PCLO: variants seen among roughly 807,000 people sequenced by gnomAD.
PCLO encodes protein piccolo.
PCLO carries 82 observed loss-of-function variants against 427.5 expected under a neutral mutation model. The observed-to-expected ratio is 0.19, with a 90% CI of 0.16 to 0.23. PCLO has a LOEUF of 0.23. PCLO is among the 10% of genes least tolerant of loss of function. The pLI is 1.00. For missense variants in PCLO, 6,239 were observed against 6,115.9 expected (o/e 1.02, Z -0.67); for synonymous variants, 2,357 against 2,155.4 (o/e 1.09, Z -2.59).
In PCLO at chr7:82,915,131, A is replaced by T; in HGVS notation, c.12855T>A (p.Ser4285Arg). The change falls in exon 7 of 25, where the codon AGT (serine) becomes AGA (arginine). Residue 4285 changes from serine (S) to arginine (R), a missense_variant. By Grantham distance (110) the Ser-to-Arg change is moderately radical. This residue lies in a region of PCLO where 680 missense variants were observed against 677.3 expected (regional missense o/e 1.00). Coordinates refer to ENST00000333891, the MANE Select transcript of PCLO (RefSeq NM_033026.6). ...TGGAGGAAGGTCTGGACCTGCTGCC[A>T]CTACTGTATGGCTTATCCGCTTCAT... ...LQDEADKPYSSGSRSRPSSRP... is the reference protein window; with the variant it reads ...LQDEADKPYSRGSRSRPSSRP... 1.3e-6 allele frequency: 2 copies of T among 1,590,348 alleles called. No individual in the cohort carries two copies. Among genetic ancestry groups the T allele is most frequent in the South Asian group, 2.2e-5 (2 of 88,956 alleles).
chr7:83,159,422 G>C (rs886462983), intron 1 of PCLO, among the ~76,000 whole-genome samples: 8 of 151,956 alleles, frequency 5.3e-5, no homozygotes, highest in Non-Finnish European at 1.0e-4. Flanking sequence ...ATCTGTAACT[G>C]TAAATAGAAA....
intron 3 of PCLO, among the ~76,000 whole-genome samples, chr7:83,033,343 C>T (rs1399491227): frequency 6.6e-6 from 1 of 152,114 alleles, no homozygotes; most frequent in African/African-American, 2.4e-5. Flanking sequence ...GTTATATTAC[C>T]TAGTAGATTA....
chr7:83,131,331 A>G (rs1791566658), intron 3 of PCLO, among the ~76,000 whole-genome samples: 1 of 152,040 alleles, frequency 6.6e-6, no homozygotes, highest in South Asian at 2.1e-4. Flanking sequence ...AGCCGTTGGC[A>G]CTCCTCAGGT....
At chr7:82,923,148 T>C (rs1794636722) in intron 6 of PCLO, among the ~76,000 whole-genome samples, 1 of 152,010 alleles carries the variant, frequency 6.6e-6, no homozygotes, top group Non-Finnish European at 1.5e-5. Context: ...TATTGGGAAC[T>C]GGATAAGAGA....
rs1790582320 is a variant in PCLO, at chr7:83,096,964, ATAATATAT to A, written c.3300+37278_3300+37285del. ...TTATATATTATATAAATAATATAAT[ATAATATAT>A]TATATATTATATAAATAATATATAT... On this transcript the variant is annotated intron_variant, in intron 3 of 24. Transcript: ENST00000333891. 1.5e-4 allele frequency among the ~76,000 whole-genome samples: 7 copies of A among 45,750 alleles called. 1 individual carries two copies. The South Asian group carries it at 3.5e-3, about 23-fold the overall frequency. 30.0% of individuals were successfully genotyped at this position (45,750 alleles called of 152,430 possible). A position where few individuals can be genotyped will look rare whatever the true frequency, so the allele number is the denominator to read the frequency against.
At position 82,966,337 on chromosome 7, in the gene PCLO, G is replaced by A. The variant is rs201837844; in HGVS notation, c.3451C>T (p.Pro1151Ser). The A allele has an allele frequency of 1.1e-5, 17 of 1,613,704 alleles. No homozygotes were observed. The East Asian group carries it at 3.8e-4, about 36-fold the overall frequency. The stretch of plus-strand genomic sequence containing the variant: ...TTTTTCACTAATTTTACTTGGGGAG[G>A]CACTGCTGTTTTCTGAGATGATGAT... ...TESSSQKTAV[P>S]PQVKLVKKQE... Residue 1151 changes from proline to serine, a missense_variant, in exon 4 of 25, where the codon CCT becomes TCT. Around this residue, in one of 5 missense-constraint regions of PCLO, gnomAD observed 4,677 missense variants for 4,468.4 expected, o/e 1.05. Transcript: ENST00000333891.
Position 82,953,518 on chromosome 7 carries a change from A to G in PCLO, c.7435T>C (p.Cys2479Arg), listed in dbSNP as rs773168560. The change falls in exon 5 of 25, where the codon TGT (cysteine) becomes CGT (arginine). Residue 2479 changes from cysteine to arginine, a missense_variant. By Grantham distance (180) the Cys-to-Arg change is radical. Transcript: ENST00000333891. ...RSNGLPVTRICTTAPPPVPPK... is the reference protein window; with the variant it reads ...RSNGLPVTRIRTTAPPPVPPK... ...GGAACAGGAGGAGGTGCAGTAGTAC[A>G]TATTCTTGTAACAGGTAATCCATTA... 12 of 1,613,432 alleles carry G rather than the reference A, an allele frequency of 7.4e-6. No homozygotes were observed. The South Asian group carries it at 1.3e-4, about 18-fold the overall frequency.
chr7:82,803,076 T>C (rs1272065255), intron 21 of PCLO, among the ~76,000 whole-genome samples: 2 of 152,092 alleles, frequency 1.3e-5, no homozygotes, highest in Admixed American at 1.3e-4. Context: ...TGCATACATA[T>C]TTAAGTAACA....
intron 2 of PCLO, 46 bp from the exon 3 acceptor site, chr7:83,135,702 A>C (rs1791710266): frequency 7.7e-7 from 1 of 1,293,802 alleles, no homozygotes; most frequent in South Asian, 1.5e-5. Flanking sequence ...TACTGTAAAA[A>C]CACAAAAATG....
intron 6 of PCLO, among the ~76,000 whole-genome samples, chr7:82,928,465 C>G (rs191917829): frequency 9.1e-4 from 138 of 152,172 alleles, no homozygotes; most frequent in African/African-American, 3.3e-3. Context: ...GGCATGACCT[C>G]CACCTCACAG....
At chr7:82,896,146 T>C (rs1418576312) in intron 9 of PCLO, among the ~76,000 whole-genome samples, 3 of 151,860 alleles carry the variant, frequency 2.0e-5, no homozygotes, top group Non-Finnish European at 4.4e-5. Flanking sequence ...AGACGGAAAC[T>C]TACCATACAA....
chr7:82,805,334 T>C (rs1186750488), intron 21 of PCLO, among the ~76,000 whole-genome samples: 1 of 152,210 alleles, frequency 6.6e-6, no homozygotes, highest in Non-Finnish European at 1.5e-5. Flanking sequence ...TAAATTAATA[T>C]ATGTTTGTCT....
intron 2 of PCLO, among the ~76,000 whole-genome samples, chr7:83,151,674 T>A (rs28415524): frequency 3.6e-3 from 546 of 152,296 alleles, no homozygotes; most frequent in African/African-American, 0.012. Context: ...ATACTTCACC[T>A]TTCATGAAGA....
chr7:83,062,389 G>T (rs191814332), intron 3 of PCLO, among the ~76,000 whole-genome samples: 2 of 152,196 alleles, frequency 1.3e-5, no homozygotes, highest in African/African-American at 2.4e-5. Flanking sequence ...CATAATAAAA[G>T]GGAAGGAGCT....
intron 22 of PCLO, among the ~76,000 whole-genome samples, chr7:82,762,997 G>A (rs2129467605): frequency 6.6e-6 from 1 of 152,138 alleles, no homozygotes; most frequent in South Asian, 2.1e-4. Flanking sequence ...CTGAAGTGTA[G>A]TGGCCCGATC....
chr7:83,087,419 G>A (rs1790266025), intron 3 of PCLO, among the ~76,000 whole-genome samples: 1 of 151,524 alleles, frequency 6.6e-6, no homozygotes, highest in Non-Finnish European at 1.5e-5. Flanking sequence ...ATTCATCTGT[G>A]TAACCAAAAA....
chr7:82,882,030 A>G (rs1041928108), intron 9 of PCLO, among the ~76,000 whole-genome samples: 3 of 152,152 alleles, frequency 2.0e-5, no homozygotes, highest in African/African-American at 7.2e-5. Context: ...AAATAGACCC[A>G]GGAAAAATAA....
At chr7:83,000,056 CA>C (rs34696638) in intron 3 of PCLO, among the ~76,000 whole-genome samples, 91,688 of 144,206 alleles carry the variant, frequency 0.64, 30,389 homozygotes, top group East Asian at 0.86. Context: ...AAAAAACAAA[CA>C]AAAAAAAAAC....
intron 3 of PCLO, among the ~76,000 whole-genome samples, chr7:83,083,369 C>A (rs1037188033): frequency 1.3e-5 from 2 of 151,838 alleles, no homozygotes; most frequent in Non-Finnish European, 2.9e-5. Context: ...ACAGTATACA[C>A]AAAAAGTGAG....
Sources: allele counts gnomAD v4.1 joint callset (sites outside exome capture counted in the v4.1 genomes callset), GRCh38; gene constraint gnomAD v4.1.1; regional missense constraint gnomAD v4.1.1; transcripts MANE v1.5; gene names NCBI Gene and HGNC (gene_info 2026-07-23, HGNC 2026-07-21).